The following CCDC91 variants were observed in gnomAD, a reference collection of about 807,000 sequenced individuals.
CCDC91 encodes the protein coiled-coil domain containing 91.
CCDC91 carries 48 observed loss-of-function variants against 63.2 expected under a neutral mutation model. The ratio of observed to expected loss-of-function variants is 0.76; its 90% confidence interval spans 0.60 to 0.97. CCDC91 has a LOEUF of 0.97. Ranked by LOEUF, CCDC91 falls within the 50% of genes least tolerant of loss-of-function variation. CCDC91 has a pLI of 0.00. For synonymous variants in CCDC91, 167 were observed against 165.8 expected (o/e 1.01, Z -0.06); for missense variants, 500 against 494.6 (o/e 1.01, Z -0.10).
chr12:28,515,289 A>G (rs1166715962), intron 12 of CCDC91, among the ~76,000 whole-genome samples: 1 of 151,752 alleles, frequency 6.6e-6, no homozygotes, highest in African/African-American at 2.4e-5. Context: ...CCATTAGCTA[A>G]AGCTTTCATT....
chr12:28,512,451 A>G (rs1183851647), intron 12 of CCDC91, among the ~76,000 whole-genome samples: 2 of 151,876 alleles, frequency 1.3e-5, no homozygotes, highest in African/African-American at 2.4e-5. Flanking sequence ...AAGGCCAGCT[A>G]TCTATCTAGC....
At chr12:28,244,605 G>A (rs895852548) in intron 1 of CCDC91, among the ~76,000 whole-genome samples, 2 of 144,180 alleles carry the variant, frequency 1.4e-5, no homozygotes, top group Non-Finnish European at 3.0e-5. Context: ...GCTAGGGGCT[G>A]GATTCATCTT....
chr12:28,395,591 G>T (rs536459028), intron 8 of CCDC91, among the ~76,000 whole-genome samples: 11 of 152,240 alleles, frequency 7.2e-5, no homozygotes, highest in African/African-American at 2.6e-4. Context: ...ACAGATGGAA[G>T]AAATACATAG....
In CCDC91 at chr12:28,233,170, A is replaced by G. The variant is rs116294922; in HGVS notation, c.-14-24032A>G. Among the ~76,000 whole-genome samples the G allele has an allele frequency of 8.4e-3, 1,285 of 152,142 alleles. 24 individuals carry two copies. The highest frequency in any genetic ancestry group is 0.029 in the African/African-American group (1,221 of 41,498). ...CTGATAAATATATACCTGTGTAACA[A>G]TACTCCAGTCAAGATACAAACATTT... On this transcript the variant is annotated intron_variant, in intron 1 of 12. Coordinates refer to ENST00000536442, the MANE Select transcript of CCDC91 (RefSeq NM_018318.5).
intron 1 of CCDC91, among the ~76,000 whole-genome samples, chr12:28,207,713 A>C (rs1038912373): frequency 1.3e-5 from 2 of 152,194 alleles, no homozygotes; most frequent in Non-Finnish European, 2.9e-5. Context: ...ATAAGTCACC[A>C]CATCAATATA....
intron 6 of CCDC91, among the ~76,000 whole-genome samples, chr12:28,354,207 G>A (rs1943372590): frequency 1.3e-5 from 2 of 152,108 alleles, no homozygotes; most frequent in African/African-American, 4.8e-5. Context: ...GCCTCCAAAT[G>A]ATCTAGGGGG....
intron 11 of CCDC91, among the ~76,000 whole-genome samples, chr12:28,471,160 A>G (rs11049641): frequency 0.21 from 32,044 of 152,130 alleles, 4,361 homozygotes; most frequent in Non-Finnish European, 0.31. Context: ...TAGGTTCATC[A>G]TGAAATTTTT....
chr12:28,310,684 GC>G (rs1229451680), intron 6 of CCDC91, among the ~76,000 whole-genome samples: 1 of 151,978 alleles, frequency 6.6e-6, no homozygotes, highest in Non-Finnish European at 1.5e-5. Context: ...TCTGAGGAAA[GC>G]ATTTCTATCC....
At chr12:28,368,834 GA>G (rs1944432908) in intron 7 of CCDC91, among the ~76,000 whole-genome samples, 1 of 149,892 alleles carries the variant, frequency 6.7e-6, no homozygotes, top group Non-Finnish European at 1.5e-5. Context: ...GAGAGAAAGA[GA>G]GAGAGAGAGA....
intron 6 of CCDC91, among the ~76,000 whole-genome samples, chr12:28,356,596 G>C (rs1480730787): frequency 6.6e-6 from 1 of 152,118 alleles, no homozygotes; most frequent in Non-Finnish European, 1.5e-5. Flanking sequence ...CAGTGGATTC[G>C]TTGTTGTGAA....
chr12:28,363,073 T>G (rs1358424872), intron 7 of CCDC91, among the ~76,000 whole-genome samples: 2 of 152,158 alleles, frequency 1.3e-5, no homozygotes, highest in African/African-American at 4.8e-5. Context: ...TTATTTCCCT[T>G]TAAACTTCAT....
intron 1 of CCDC91, among the ~76,000 whole-genome samples, chr12:28,220,516 T>C (rs1167210880): frequency 6.6e-6 from 1 of 152,092 alleles, no homozygotes; most frequent in African/African-American, 2.4e-5. Context: ...TACCCACCTG[T>C]TTGCTATTTC....
At chr12:28,482,843 G>A (rs2140905638) in intron 11 of CCDC91, among the ~76,000 whole-genome samples, 1 of 152,018 alleles carries the variant, frequency 6.6e-6, no homozygotes, top group South Asian at 2.1e-4. Flanking sequence ...TGTCACTGCT[G>A]TATTTTATTT....
chr12:28,354,563 G>A (rs1943401385), intron 6 of CCDC91, among the ~76,000 whole-genome samples: 1 of 152,114 alleles, frequency 6.6e-6, no homozygotes, highest in Non-Finnish European at 1.5e-5. Flanking sequence ...TTAAATATAT[G>A]AAGGCAAATA....
At chr12:28,483,762 A>G (rs1951569189) in intron 11 of CCDC91, among the ~76,000 whole-genome samples, 1 of 152,136 alleles carries the variant, frequency 6.6e-6, no homozygotes, top group African/African-American at 2.4e-5. Flanking sequence ...GCAATGAATC[A>G]TGTAAACATC....
At chr12:28,391,206 C>A in intron 7 of CCDC91, 98 bp from the exon 8 acceptor site, 2 of 598,318 alleles carry the variant, frequency 3.3e-6, no homozygotes, top group Non-Finnish European at 6.0e-6. Flanking sequence ...AGGAGAATAT[C>A]GTATTACAGT....
At chr12:28,334,300 G>A (rs775826130) in intron 6 of CCDC91, among the ~76,000 whole-genome samples, 38 of 152,164 alleles carry the variant, frequency 2.5e-4, no homozygotes, top group Non-Finnish European at 4.4e-4. Flanking sequence ...CTGGCCTCGG[G>A]CAATTTGAAG....
At chr12:28,503,636 G>A (rs138388794) in intron 12 of CCDC91, among the ~76,000 whole-genome samples, 19 of 152,160 alleles carry the variant, frequency 1.2e-4, no homozygotes, top group Admixed American at 9.2e-4. Flanking sequence ...ACATGCACAC[G>A]TATGTTTATT....
At chr12:28,424,962 T>C (rs897555987) in intron 8 of CCDC91, among the ~76,000 whole-genome samples, 1 of 152,166 alleles carries the variant, frequency 6.6e-6, no homozygotes, top group African/African-American at 2.4e-5. Flanking sequence ...AGATCCAATA[T>C]CCATTTTCAT....
Sources: allele counts gnomAD v4.1 joint callset (sites outside exome capture counted in the v4.1 genomes callset), GRCh38; gene constraint gnomAD v4.1.1; transcripts MANE v1.5; gene names NCBI Gene and HGNC (gene_info 2026-07-23, HGNC 2026-07-21).